PXDNL: variants seen among roughly 807,000 people sequenced by gnomAD.
The protein encoded by PXDNL is probable oxidoreductase PXDNL.
A neutral mutation model predicts 150.8 loss-of-function variants in PXDNL; 145 were observed. That is an observed-to-expected ratio of 0.96 (90% CI 0.84 to 1.10). PXDNL has a LOEUF of 1.10. PXDNL is among the 50% of genes least tolerant of loss of function. The probability of loss-of-function intolerance (pLI) is 0.00; values close to 1 mark genes in which losing one functional copy is unlikely to be tolerated. For missense variants in PXDNL, 2,087 were observed against 1,873.9 expected (o/e 1.11, Z -2.10); for synonymous variants, 757 against 725.7 (o/e 1.04, Z -0.69).
At chr8:51,650,456 T>C (rs1228550797) in intron 2 of PXDNL, among the ~76,000 whole-genome samples, 1 of 152,130 alleles carries the variant, frequency 6.6e-6, no homozygotes, top group Admixed American at 6.5e-5. Context: ...ATGTTGTGAT[T>C]TTGTTTTGTA....
intron 1 of PXDNL, among the ~76,000 whole-genome samples, chr8:51,764,398 A>T (rs1585732585): frequency 6.9e-6 from 1 of 145,904 alleles, no homozygotes; most frequent in African/African-American, 2.5e-5. Flanking sequence ...TTTTAAGTGA[A>T]AGTTTATTTA....
intron 1 of PXDNL, among the ~76,000 whole-genome samples, chr8:51,673,951 C>A (rs1815554744): frequency 6.6e-6 from 1 of 152,120 alleles, no homozygotes; most frequent in African/African-American, 2.4e-5. Flanking sequence ...TAAATAAGAA[C>A]TTAAGAAGTT....
intron 1 of PXDNL, among the ~76,000 whole-genome samples, chr8:51,754,986 A>G (rs1431562428): frequency 6.6e-6 from 1 of 152,184 alleles, no homozygotes; most frequent in Non-Finnish European, 1.5e-5. Flanking sequence ...GACTGGGATT[A>G]CAGGTGTGAG....
intron 12 of PXDNL, among the ~76,000 whole-genome samples, chr8:51,429,591 A>G (rs1393585245): frequency 1.3e-5 from 2 of 152,098 alleles, no homozygotes; most frequent in Non-Finnish European, 2.9e-5. Flanking sequence ...AAGCAAAAAA[A>G]GTCCAAAAGT....
At position 51,454,459 on chromosome 8, in the gene PXDNL, T is replaced by TTACTTTCAGC. The variant is rs1278810655; in HGVS notation, c.983-684_983-675dup. On this transcript the variant is annotated intron_variant, in intron 9 of 22. Coordinates refer to ENST00000356297, the MANE Select transcript of PXDNL (RefSeq NM_144651.5). ...AAGCCATATCTAGCCAAGCTTTCAG[T>TTACTTTCAGC]TACTTTCAGCTAAACGTATTATAAA... Among the ~76,000 whole-genome samples, 4 of 152,340 alleles carry TTACTTTCAGC rather than the reference T, an allele frequency of 2.6e-5. No individual in the cohort carries two copies. In the East Asian group the frequency reaches 5.8e-4, roughly 22 times the overall value.
chr8:51,508,908 C>T (rs1811348438), intron 4 of PXDNL, among the ~76,000 whole-genome samples: 1 of 152,142 alleles, frequency 6.6e-6, no homozygotes, highest in African/African-American at 2.4e-5. Context: ...TCAGTAATTC[C>T]TTTTACTTCT....
intron 4 of PXDNL, among the ~76,000 whole-genome samples, chr8:51,548,068 C>A (rs1812400594): frequency 1.5e-5 from 2 of 135,390 alleles, no homozygotes; most frequent in African/African-American, 2.9e-5. Context: ...TAAAATCATA[C>A]AAGTAGAAGA....
intron 2 of PXDNL, among the ~76,000 whole-genome samples, chr8:51,595,602 G>A (rs1448087197): frequency 1.3e-5 from 2 of 152,092 alleles, no homozygotes; most frequent in African/African-American, 4.8e-5. Flanking sequence ...TTCTGCTACT[G>A]TTAACATGAA....
At chr8:51,496,196 T>C (rs1811043794) in intron 5 of PXDNL, among the ~76,000 whole-genome samples, 1 of 152,184 alleles carries the variant, frequency 6.6e-6, no homozygotes, top group African/African-American at 2.4e-5. Flanking sequence ...ATTATCTCAA[T>C]AGATGCAGAA....
chr8:51,696,186 A>G (rs1816120131), intron 1 of PXDNL, among the ~76,000 whole-genome samples: 1 of 152,166 alleles, frequency 6.6e-6, no homozygotes, highest in Admixed American at 6.5e-5. Context: ...TGTCCCCCTA[A>G]AATTCTTATG....
chr8:51,666,486 A>G lies in PXDNL; in HGVS notation c.165-11726T>C, dbSNP rs191760508. 3.9e-5 allele frequency among the ~76,000 whole-genome samples: 6 copies of G among 152,320 alleles called. No homozygotes were observed. In the East Asian group the frequency reaches 1.2e-3, roughly 29 times the overall value. On this transcript the variant is annotated intron_variant, in intron 1 of 22. Transcript: ENST00000356297. ...TACATGCATATATCCATATACATAC[A>G]CATAAACCAAATCTTTCCCTTTCTC...
intron 1 of PXDNL, among the ~76,000 whole-genome samples, chr8:51,766,935 A>G (rs1008210422): frequency 6.6e-6 from 1 of 151,976 alleles, no homozygotes; most frequent in Non-Finnish European, 1.5e-5. Flanking sequence ...TTTTAGAACT[A>G]TGATCATGTG....
chr8:51,750,176 C>G (rs1292983931), intron 1 of PXDNL, among the ~76,000 whole-genome samples: 1 of 151,978 alleles, frequency 6.6e-6, no homozygotes, highest in Non-Finnish European at 1.5e-5. Context: ...TCCTTATTTA[C>G]AAGCTTTTTA....
At chr8:51,726,991 G>A (rs1816827723) in intron 1 of PXDNL, among the ~76,000 whole-genome samples, 1 of 152,138 alleles carries the variant, frequency 6.6e-6, no homozygotes, top group Non-Finnish European at 1.5e-5. Context: ...GAACAATCAT[G>A]GTCCTTGGCG....
At chr8:51,436,964 A>G (rs1336220259) in intron 12 of PXDNL, among the ~76,000 whole-genome samples, 1 of 152,334 alleles carries the variant, frequency 6.6e-6, no homozygotes, top group Middle Eastern at 3.4e-3. Context: ...TAGCAAGATT[A>G]ACCAAGAAGA....
chr8:51,744,097 A>AAGGAAG (rs2036943815), intron 1 of PXDNL, among the ~76,000 whole-genome samples: 1 of 131,282 alleles, frequency 7.6e-6, no homozygotes, highest in African/African-American at 2.9e-5. Flanking sequence ...AAGGAAGGAA[A>AAGGAAG]GAAAGAAAGA....
At chr8:51,567,088 GCTAT>G (rs1445085037) in intron 3 of PXDNL, among the ~76,000 whole-genome samples, 1 of 151,494 alleles carries the variant, frequency 6.6e-6, no homozygotes, top group East Asian at 1.9e-4. Flanking sequence ...TTATTTTCCA[GCTAT>G]CTTTCAGTTA....
Position 51,648,992 on chromosome 8 carries a change from A to G in PXDNL, c.236+5697T>C, listed in dbSNP as rs114092376. Among the ~76,000 whole-genome samples the G allele has an allele frequency of 3.2e-3, 481 of 152,322 alleles. 3 individuals carry two copies. Among genetic ancestry groups the G allele is most frequent in the African/African-American group, 0.011 (454 of 41,574 alleles). ...GTGCTCATACATTTCCTATTTATAT[A>G]CTTTCCTTTTTCTTCTACTAACAGG... is the stretch of plus-strand genomic sequence containing the variant. On this transcript the variant is annotated intron_variant, in intron 2 of 22. Transcript: ENST00000356297.
At chr8:51,496,003 C>A (rs1811039041) in intron 5 of PXDNL, among the ~76,000 whole-genome samples, 2 of 152,252 alleles carry the variant, frequency 1.3e-5, no homozygotes, top group African/African-American at 4.8e-5. Context: ...ACCAATGACC[C>A]TGATGAACAT....
Sources: gnomAD v4.1 joint callset for allele counts (sites outside exome capture counted in the v4.1 genomes callset) on GRCh38, gnomAD v4.1.1 for gene constraint, MANE v1.5 for transcripts, NCBI Gene and HGNC (gene_info 2026-07-23, HGNC 2026-07-21) for gene names.